Variants in SRGAP3 observed in about 807,000 individuals in gnomAD.
The protein encoded by SRGAP3 is SLIT-ROBO Rho GTPase-activating protein 3.
Under a neutral mutation model 121.1 loss-of-function variants are expected in SRGAP3, and 39 were observed. That is an observed-to-expected ratio of 0.32 (90% CI 0.25 to 0.42). The LOEUF (loss-of-function observed/expected upper bound fraction) is 0.42, where lower values mean the gene tolerates loss of function less well. Among genes scored for constraint, SRGAP3 ranks in the 10% least tolerant of loss-of-function variants. The probability of loss-of-function intolerance (pLI) is 1.00; values close to 1 mark genes in which losing one functional copy is unlikely to be tolerated. For missense variants in SRGAP3, 1,213 were observed against 1,470.6 expected (o/e 0.82, Z 2.86); for synonymous variants, 601 against 570.0 (o/e 1.05, Z -0.77).
At chr3:9,080,586 G>C (rs576744209) in intron 3 of SRGAP3, among the ~76,000 whole-genome samples, 1 of 152,274 alleles carries the variant, frequency 6.6e-6, no homozygotes, top group South Asian at 2.1e-4. Flanking sequence ...AGGTCCTCCA[G>C]AATATGAGTC....
At chr3:9,274,210 T>A (rs1272031596) in intron 3 of SRGAP3, among the ~76,000 whole-genome samples, 1 of 152,236 alleles carries the variant, frequency 6.6e-6, no homozygotes, top group Non-Finnish European at 1.5e-5. Context: ...TTTGTGTTCA[T>A]TCCAATCCCA....
chr3:9,297,016 C>T (rs867880322), intron 3 of SRGAP3, among the ~76,000 whole-genome samples: 1 of 152,278 alleles, frequency 6.6e-6, no homozygotes, highest in Middle Eastern at 3.4e-3. Context: ...TCCAAGGTAG[C>T]TGGGACTACA....
chr3:9,100,079 A>AT (rs901932744), intron 3 of SRGAP3, among the ~76,000 whole-genome samples: 2 of 152,210 alleles, frequency 1.3e-5, no homozygotes, highest in Non-Finnish European at 2.9e-5. Flanking sequence ...CAAAATCGTG[A>AT]TTTTGGGAGA....
At chr3:9,256,626 C>T (rs531102472) in intron 3 of SRGAP3, 2 of 393,556 alleles carry the variant, frequency 5.1e-6, no homozygotes, top group Middle Eastern at 6.4e-4. Flanking sequence ...CTTGATGAGA[C>T]CTTAGTCTGA....
intron 9 of SRGAP3, among the ~76,000 whole-genome samples, chr3:9,051,710 C>CTTTTTTTTTTTTTTTTTTT (rs36044423): frequency 9.7e-6 from 1 of 103,112 alleles, no homozygotes; most frequent in Non-Finnish European, 1.9e-5. Flanking sequence ...TTGCTCAATT[C>CTTTTTTTTTTTTTTTTTTT]TTTTTTTTTT....
intron 3 of SRGAP3, among the ~76,000 whole-genome samples, chr3:9,280,604 G>T (rs114595501): frequency 4.2e-4 from 64 of 152,330 alleles, no homozygotes; most frequent in African/African-American, 1.5e-3. Flanking sequence ...AGGCAGTAAC[G>T]GTGGGTCCTC....
intron 10 of SRGAP3, among the ~76,000 whole-genome samples, chr3:9,041,767 C>T (rs78528552): frequency 1.3e-5 from 2 of 152,050 alleles, no homozygotes; most frequent in African/African-American, 2.4e-5. Context: ...GAAATTTATA[C>T]AAGCCACAAT....
intron 18 of SRGAP3, among the ~76,000 whole-genome samples, chr3:9,005,079 G>A (rs1416086374): frequency 6.6e-6 from 1 of 152,090 alleles, no homozygotes; most frequent in Non-Finnish European, 1.5e-5. Flanking sequence ...ATAAAGAGCT[G>A]TTACAACTCA....
intron 3 of SRGAP3, among the ~76,000 whole-genome samples, chr3:9,083,625 G>C (rs1947334307): frequency 6.6e-6 from 1 of 152,150 alleles, no homozygotes; most frequent in Non-Finnish European, 1.5e-5. Context: ...CAGCTCCTTA[G>C]GGATGGATAT....
intron 3 of SRGAP3, among the ~76,000 whole-genome samples, chr3:9,278,294 C>T (rs554610559): frequency 6.6e-6 from 1 of 152,228 alleles, no homozygotes; most frequent in South Asian, 2.1e-4. Context: ...GTCAAGACTC[C>T]CTGGGGGAAA....
chr3:9,273,610 AT>A (rs1954520722), intron 3 of SRGAP3, among the ~76,000 whole-genome samples: 1 of 152,032 alleles, frequency 6.6e-6, no homozygotes, highest in African/African-American at 2.4e-5. Flanking sequence ...AGTCCGATTT[AT>A]TTTTTCTTTT....
At chr3:9,304,712 C>A (rs1955128340) in intron 3 of SRGAP3, among the ~76,000 whole-genome samples, 1 of 152,160 alleles carries the variant, frequency 6.6e-6, no homozygotes, top group African/African-American at 2.4e-5. Context: ...CCAGGAGTTT[C>A]TTCCAGAGGT....
rs374824647 is a variant in SRGAP3 at position 9,285,276 on chromosome 3, GA to G, written n.442+40733del. Among the ~76,000 whole-genome samples the G allele has an allele frequency of 2.2e-3, 341 of 152,334 alleles. 2 individuals are homozygous for G. Among genetic ancestry groups the G allele is most frequent in the Middle Eastern group, 0.02 (6 of 294 alleles). On this transcript the variant is annotated intron_variant and non_coding_transcript_variant, in intron 3 of 3. Coordinates refer to the SRGAP3 transcript ENST00000490889. ...AGAGTGGCAGGCTGTGTAGCGAAGA[GA>G]TGGCCACCATTCTATTGTTTTAGTG...
chr3:9,047,813 A>G (rs1945365089), intron 9 of SRGAP3, among the ~76,000 whole-genome samples: 1 of 152,228 alleles, frequency 6.6e-6, no homozygotes, highest in South Asian at 2.1e-4. Context: ...CTCTTTAGTC[A>G]TCAAAGCTCC....
chr3:9,356,201 T>TC (rs1449146712), intron 1 of SRGAP3, among the ~76,000 whole-genome samples: 1 of 144,590 alleles, frequency 6.9e-6, no homozygotes, highest in Non-Finnish European at 1.5e-5. Context: ...TCTTTTTTTT[T>TC]TTTTTTTTTT....
intron 1 of SRGAP3, among the ~76,000 whole-genome samples, chr3:9,125,700 G>T (rs1949197928): frequency 6.6e-6 from 1 of 152,204 alleles, no homozygotes; most frequent in Admixed American, 6.5e-5. Context: ...ATCCATTCTT[G>T]TCTTCAAGCC....
At chr3:9,209,030 A>G (rs1952355756) in intron 1 of SRGAP3, among the ~76,000 whole-genome samples, 1 of 152,226 alleles carries the variant, frequency 6.6e-6, no homozygotes, top group African/African-American at 2.4e-5. Context: ...AAAAATGACT[A>G]AATAAGAGGT....
intron 1 of SRGAP3, chr3:9,217,864 A>C (rs1276181638): frequency 6.6e-6 from 1 of 152,142 alleles, no homozygotes; most frequent in Non-Finnish European, 1.5e-5. Context: ...AGGCCCCCCA[A>C]GCCACCAAGA....
intron 18 of SRGAP3, chr3:9,007,160 G>C (rs902793524): frequency 6.6e-6 from 1 of 151,846 alleles, no homozygotes; most frequent in Non-Finnish European, 1.5e-5. Context: ...TGTAGAGACG[G>C]AGTTTCACCA....
Sources: gnomAD v4.1 joint callset for allele counts (sites outside exome capture counted in the v4.1 genomes callset) on GRCh38, gnomAD v4.1.1 for gene constraint, MANE v1.5 for transcripts, NCBI Gene and HGNC (gene_info 2026-07-23, HGNC 2026-07-21) for gene names.